NUP210: variants seen among roughly 807,000 people sequenced by gnomAD.
NUP210 encodes nuclear pore membrane glycoprotein 210.
A neutral mutation model predicts 196.0 loss-of-function variants in NUP210; 151 were observed. The observed-to-expected ratio is 0.77, with a 90% CI of 0.67 to 0.88. The LOEUF is 0.88. NUP210 is among the 40% of genes least tolerant of loss of function. The pLI is 0.00. For missense variants in NUP210, 2,314 were observed against 2,493.7 expected, an observed-to-expected ratio of 0.93 and a Z score of 1.53; for synonymous variants, 1,070 against 1,052.7, an observed-to-expected ratio of 1.02 and a Z score of -0.32.
chr3:13,375,553 A>C lies in NUP210; in HGVS notation c.1382T>G (p.Leu461Trp). ...HIPITLYPSI[L>W]TFPWQPKTGA... is the part of the protein sequence containing the mutation. The stretch of plus-strand genomic sequence containing the variant: ...CGTCTTTGGTTGCCACGGAAATGTC[A>C]AGATGCTGGGATACAGGGTGATCGG... The change falls in exon 11 of 40, where the codon TTG becomes TGG. Residue 461 changes from leucine to tryptophan, a missense_variant. Coordinates refer to ENST00000254508, the MANE Select transcript of NUP210 (RefSeq NM_024923.4). The C allele has an allele frequency of 6.2e-7, 1 of 1,614,130 alleles. No individual in the cohort carries two copies. The highest frequency in any genetic ancestry group is 8.5e-7 in the Non-Finnish European group (1 of 1,180,006).
In NUP210 at chr3:13,319,166, AC is replaced by A; in HGVS notation, c.5480-12del. ...AGACAGTGTGGTAGGCTGCAAGAGC[AC>A]AGGGTTGGTTAGAGCAGGTCGGGGC... On this transcript the variant is annotated splice_polypyrimidine_tract_variant and intron_variant, in intron 38 of 39. Transcript: ENST00000254508. 6.2e-7 allele frequency: 1 copy of A among 1,611,658 alleles called. No individual in the cohort carries two copies. The highest frequency in any genetic ancestry group is 8.5e-7 in the Non-Finnish European group (1 of 1,178,890).
intron 10 of NUP210, 25 bp downstream of exon 10, chr3:13,376,266 C>T (rs562476533): frequency 4.8e-5 from 78 of 1,611,636 alleles, no homozygotes; most frequent in South Asian, 1.2e-4. Context: ...GGACAAGGCA[C>T]GACGCAGGGG....
chr3:13,321,554 G>T (rs1474096159), intron 36 of NUP210, 31 bp downstream of exon 36: 2 of 1,600,546 alleles, frequency 1.2e-6, no homozygotes, highest in Admixed American at 1.7e-5. Flanking sequence ...CCTGACTCCG[G>T]CCTGGCCTGA....
intron 29 of NUP210, 108 bp from the exon 30 acceptor site, chr3:13,330,742 G>T: frequency 1.8e-6 from 2 of 1,112,732 alleles, no homozygotes; most frequent in Non-Finnish European, 2.5e-6. Flanking sequence ...CTCCTGGGAG[G>T]AAAAAAGGCC....
chr3:13,386,823 C>T (rs111951323), intron 5 of NUP210, among the ~76,000 whole-genome samples: 12 of 152,296 alleles, frequency 7.9e-5, no homozygotes, highest in African/African-American at 2.9e-4. Flanking sequence ...GAGGCATATG[C>T]TGTGATGAGC....
intron 11 of NUP210, among the ~76,000 whole-genome samples, chr3:13,374,453 G>A (rs1576395950): frequency 6.6e-6 from 1 of 152,140 alleles, no homozygotes; most frequent in Admixed American, 6.5e-5. Flanking sequence ...CAAGGTCGAT[G>A]CCCACAGCAG....
chr3:13,343,342 G>GGGGGGGTGGGGGGGC, intron 20 of NUP210, 39 bp from the exon 21 acceptor site: 1 of 655,994 alleles, frequency 1.5e-6, no homozygotes, highest in Non-Finnish European at 2.5e-6. Context: ...TGGGTGGTGG[G>GGGGGGGTGGGGGGGC]TTACGCAGCT....
intron 28 of NUP210, among the ~76,000 whole-genome samples, chr3:13,334,410 G>A (rs1697124186): frequency 6.6e-6 from 1 of 152,156 alleles, no homozygotes; most frequent in Admixed American, 6.5e-5. Context: ...GTGTCTGTGT[G>A]TGCATGTGTG....
chr3:13,366,767 T>C (rs1356016984), intron 13 of NUP210, among the ~76,000 whole-genome samples: 2 of 150,970 alleles, frequency 1.3e-5, no homozygotes, highest in Admixed American at 1.3e-4. Flanking sequence ...TCCACCCCCC[T>C]CAGCCTCCCA....
At chr3:13,320,956 G>T (rs73142161) in intron 36 of NUP210, among the ~76,000 whole-genome samples, 7,946 of 151,596 alleles carry the variant, frequency 0.052, 300 homozygotes, top group African/African-American at 0.1. Flanking sequence ...CAAGGTAGCA[G>T]CCCGAGCTCT....
intron 21 of NUP210, 50 bp downstream of exon 21, chr3:13,343,125 C>T: frequency 6.2e-7 from 1 of 1,607,228 alleles, no homozygotes; most frequent in Non-Finnish European, 8.5e-7. Context: ...CCCTCCCTCC[C>T]AGTTCCTGCA....
intron 1 of NUP210, among the ~76,000 whole-genome samples, chr3:13,417,350 A>G (rs981853896): frequency 3.3e-5 from 5 of 152,240 alleles, no homozygotes; most frequent in Non-Finnish European, 7.3e-5. Flanking sequence ...GGAAAAGTAA[A>G]CATGAAGCTG....
rs373948746 is a variant in NUP210 at position 13,383,817 on chromosome 3, G to A, written c.817+2458C>T. 2.9e-4 allele frequency among the ~76,000 whole-genome samples: 43 copies of A among 150,136 alleles called. 4 individuals carry two copies. Among genetic ancestry groups the A allele is most frequent in the South Asian group, 2.3e-3 (11 of 4,762 alleles). ...GCTGGGATTACAGGTGTGAGCCACCGTGCCTGGCCGAGTGAGCTCTTTCTA... is the reference window on the plus strand; with the variant it reads ...GCTGGGATTACAGGTGTGAGCCACCATGCCTGGCCGAGTGAGCTCTTTCTA... On this transcript the variant is annotated intron_variant, in intron 6 of 39. Transcript: ENST00000254508.
chr3:13,378,592 C>T (rs941012061), intron 8 of NUP210, among the ~76,000 whole-genome samples: 2 of 152,234 alleles, frequency 1.3e-5, no homozygotes, highest in African/African-American at 4.8e-5. Context: ...GGGCCCCAAC[C>T]TCTAAATGTC....
intron 6 of NUP210, among the ~76,000 whole-genome samples, chr3:13,380,296 G>A (rs1202649255): frequency 6.6e-6 from 1 of 152,276 alleles, no homozygotes; most frequent in South Asian, 2.1e-4. Context: ...GAGCAACATC[G>A]ATGTACATCT....
At chr3:13,405,601 C>T (rs1445870407) in intron 1 of NUP210, among the ~76,000 whole-genome samples, 4 of 151,862 alleles carry the variant, frequency 2.6e-5, no homozygotes, top group African/African-American at 9.7e-5. Flanking sequence ...GGTTCTGTTT[C>T]TTCAGAAAAC....
At chr3:13,343,913 C>T (rs1383396118) in intron 20 of NUP210, among the ~76,000 whole-genome samples, 1 of 152,228 alleles carries the variant, frequency 6.6e-6, no homozygotes, top group Non-Finnish European at 1.5e-5. Flanking sequence ...ATGTGCATCT[C>T]GCTCATCTTT....
At chr3:13,341,922 C>A (rs777995513) in intron 22 of NUP210, 39 bp from the exon 23 acceptor site, 5 of 1,613,480 alleles carry the variant, frequency 3.1e-6, no homozygotes, top group South Asian at 2.2e-5. Context: ...TCCAAGACCA[C>A]CCCGTGGGAA....
At chr3:13,418,468 G>T (rs1222044104) in intron 1 of NUP210, among the ~76,000 whole-genome samples, 1 of 152,152 alleles carries the variant, frequency 6.6e-6, no homozygotes, top group East Asian at 1.9e-4. Flanking sequence ...CAGGCATGGT[G>T]GCTCACGCCT....
Sources: gnomAD v4.1 joint callset for allele counts (sites outside exome capture counted in the v4.1 genomes callset) on GRCh38, gnomAD v4.1.1 for gene constraint, MANE v1.5 for transcripts, NCBI Gene and HGNC (gene_info 2026-07-23, HGNC 2026-07-21) for gene names.